Variants in PIBF1 observed in about 807,000 individuals in gnomAD.
PIBF1 encodes the protein progesterone immunomodulatory binding factor 1.
In PIBF1, 90 loss-of-function variants were observed where a neutral mutation model predicts 112.5. The ratio of observed to expected loss-of-function variants is 0.80; its 90% CI spans 0.67 to 0.95. PIBF1 has a LOEUF of 0.95. PIBF1 is among the 40% of genes least tolerant of loss of function. PIBF1 has a pLI of 0.00. For synonymous variants in PIBF1, 301 were observed against 288.6 expected (o/e 1.04, Z -0.44); for missense variants, 915 against 852.3 (o/e 1.07, Z -0.92).
intron 5 of PIBF1, among the ~76,000 whole-genome samples, chr13:72,810,467 T>G (rs1030796019): frequency 1.3e-5 from 2 of 152,244 alleles, no homozygotes; most frequent in Non-Finnish European, 2.9e-5. Flanking sequence ...CATAGTTACA[T>G]TCTTTAAAAA....
chr13:72,794,059 A>G (rs2035069199), intron 3 of PIBF1, among the ~76,000 whole-genome samples: 1 of 152,186 alleles, frequency 6.6e-6, no homozygotes, highest in Non-Finnish European at 1.5e-5. Flanking sequence ...CAAAGCAGAA[A>G]AGGAGACTGA....
chr13:72,973,669 T>A lies in PIBF1; in HGVS notation c.2043T>A (p.His681Gln), dbSNP rs942201277. 1.3e-6 allele frequency: 2 copies of A among 1,532,388 alleles called. No individual in the cohort carries two copies. Among genetic ancestry groups the A allele is most frequent in the Non-Finnish European group, 1.8e-6 (2 of 1,115,286 alleles). 94.9% of individuals were successfully genotyped at this position (1,532,388 alleles called of 1,614,324 possible). The change falls in exon 16 of 18, where the codon CAT becomes CAA. Residue 681 changes from histidine to glutamine, a missense_variant. Coordinates refer to ENST00000326291, the MANE Select transcript of PIBF1 (RefSeq NM_006346.4). ...MALDLEQLLN[H>Q]REELAAMKQI... ...TAGATTTAGAACAACTTCTAAATCA[T>A]CGTGAGGTATTTTTCCTATTTTGTC...
intron 3 of PIBF1, among the ~76,000 whole-genome samples, chr13:72,794,559 C>T (rs112797850): frequency 0.15 from 22,230 of 152,160 alleles, 1,774 homozygotes; most frequent in Non-Finnish European, 0.17. Context: ...TGGGAGGTAA[C>T]TGAATCATGG....
intron 5 of PIBF1, among the ~76,000 whole-genome samples, chr13:72,805,041 T>A (rs2035655080): frequency 1.3e-5 from 2 of 152,200 alleles, no homozygotes; most frequent in Non-Finnish European, 2.9e-5. Flanking sequence ...TGGTACAGTC[T>A]CGGCTCACTG....
chr13:72,922,868 T>C (rs1004656983), intron 13 of PIBF1, among the ~76,000 whole-genome samples: 20 of 152,170 alleles, frequency 1.3e-4, no homozygotes, highest in Non-Finnish European at 4.4e-5. Flanking sequence ...TGTAAGCCTA[T>C]AGAAGAAACT....
chr13:72,802,526 A>G (rs1428732367), intron 5 of PIBF1, among the ~76,000 whole-genome samples: 3 of 152,120 alleles, frequency 2.0e-5, no homozygotes, highest in East Asian at 1.9e-4. Context: ...CATGAATTGG[A>G]TGGAGGATGT....
chr13:72,795,085 T>C (rs911709308), intron 3 of PIBF1, among the ~76,000 whole-genome samples: 3 of 152,166 alleles, frequency 2.0e-5, no homozygotes, highest in South Asian at 2.1e-4. Context: ...AGAAGAAATA[T>C]ATAATTTTAT....
At chr13:72,927,945 G>GTATA (rs774258929) in intron 13 of PIBF1, among the ~76,000 whole-genome samples, 3,899 of 87,652 alleles carry the variant, frequency 0.044, 238 homozygotes, top group African/African-American at 0.16. Flanking sequence ...ATATATGTGT[G>GTATA]TATATATATA....
rs148031619 is a variant in PIBF1, at chr13:72,969,730, A to G, written c.1965-3861A>G. On this transcript the variant is annotated intron_variant, in intron 15 of 17. Transcript: ENST00000326291. ...GAATTATCCTGGGCTTTAAATACAC[A>G]TCAGGCTGGTTTCTCTCCTTATGGT... 6 of 152,340 alleles carry G rather than the reference A, an allele frequency of 3.9e-5. No homozygotes were observed. The East Asian group carries it at 9.6e-4, about 24-fold the overall frequency. The allele number at this position is 152,340 out of a possible 1,614,324, so 9.4% of individuals were successfully genotyped here.
At chr13:72,917,215 A>G in intron 13 of PIBF1, 49 bp downstream of exon 13, 1 of 1,124,842 alleles carries the variant, frequency 8.9e-7, no homozygotes, top group Non-Finnish European at 1.3e-6. Flanking sequence ...GATGAATGTA[A>G]TTACATTTGT....
chr13:72,983,119 G>C (rs2043193230), intron 16 of PIBF1, among the ~76,000 whole-genome samples: 1 of 152,086 alleles, frequency 6.6e-6, no homozygotes, highest in Admixed American at 6.6e-5. Context: ...CTTGAGTCTA[G>C]GAATTTGAGA....
At chr13:73,013,314 A>AG (rs199787805) in intron 17 of PIBF1, among the ~76,000 whole-genome samples, 26,597 of 141,000 alleles carry the variant, frequency 0.19, 3,287 homozygotes, top group East Asian at 0.24. Context: ...AAAAAAAAAA[A>AG]AAAAAAAAAA....
At chr13:72,999,280 AAG>A (rs142857900) in intron 17 of PIBF1, among the ~76,000 whole-genome samples, 16,714 of 152,150 alleles carry the variant, frequency 0.11, 1,198 homozygotes, top group Non-Finnish European at 0.17. Flanking sequence ...ATTAAAGAAA[AAG>A]AAATAAGAAA....
intron 13 of PIBF1, 61 bp downstream of exon 13, chr13:72,917,227 C>G (rs2138695652): frequency 2.0e-6 from 2 of 999,962 alleles, no homozygotes; most frequent in Admixed American, 5.2e-5. Flanking sequence ...TACATTTGTG[C>G]TTTCTGATAA....
chr13:72,936,452 G>A (rs982713430), intron 14 of PIBF1, among the ~76,000 whole-genome samples: 1 of 152,098 alleles, frequency 6.6e-6, no homozygotes, highest in African/African-American at 2.4e-5. Context: ...GTCATAAGGG[G>A]TTTTGTCTAT....
intron 9 of PIBF1, among the ~76,000 whole-genome samples, chr13:72,852,317 G>A (rs2038199765): frequency 6.6e-6 from 1 of 152,206 alleles, no homozygotes; most frequent in African/African-American, 2.4e-5. Context: ...GCCAGCAGTG[G>A]AAGCTGCTTT....
intron 5 of PIBF1, among the ~76,000 whole-genome samples, chr13:72,799,242 A>G (rs889533670): frequency 3.3e-5 from 5 of 152,244 alleles, no homozygotes; most frequent in African/African-American, 4.8e-5. Context: ...AGTTGCATAC[A>G]AACATTTATG....
At chr13:72,971,171 T>A (rs2042878837) in intron 15 of PIBF1, among the ~76,000 whole-genome samples, 1 of 144,100 alleles carries the variant, frequency 6.9e-6, no homozygotes, top group Non-Finnish European at 1.5e-5. Context: ...AGTTGGTATT[T>A]GAAACAGAGA....
intron 16 of PIBF1, among the ~76,000 whole-genome samples, chr13:72,975,900 G>A (rs569149814): frequency 6.6e-6 from 1 of 152,166 alleles, no homozygotes; most frequent in South Asian, 2.1e-4. Context: ...TGACCATTCA[G>A]CCATATCAAC....
Sources: allele counts gnomAD v4.1 joint callset (sites outside exome capture counted in the v4.1 genomes callset), GRCh38; gene constraint gnomAD v4.1.1; transcripts MANE v1.5; gene names NCBI Gene and HGNC (gene_info 2026-07-23, HGNC 2026-07-21).